Variants in DSP observed in about 807,000 individuals in gnomAD.
DSP encodes desmoplakin.
A neutral mutation model predicts 290.6 loss-of-function variants in DSP; 114 were observed. The observed-to-expected ratio is 0.39, with a 90% CI of 0.34 to 0.46. The LOEUF (loss-of-function observed/expected upper bound fraction) is 0.46. Among genes scored for constraint, DSP ranks in the 20% least tolerant of loss-of-function variants. The probability of loss-of-function intolerance (pLI) is 0.99; values close to 1 mark genes in which losing one functional copy is unlikely to be tolerated. For synonymous variants in DSP, 1,311 were observed against 1,316.4 expected (o/e 1.00, Z 0.09); for missense variants, 3,230 against 3,495.8 (o/e 0.92, Z 1.92).
Position 7,563,798 on chromosome 6 carries a change from T to G in DSP, c.777+12T>G, listed in dbSNP as rs764388232. 28 of 1,612,140 alleles carry G rather than the reference T, an allele frequency of 1.7e-5. No individual in the cohort carries two copies. The East Asian group carries it at 5.8e-4, about 33-fold the overall frequency. Reference sequence around the variant, plus strand: ...ATGAAAACCTGCTGGTAAGCTGATTTATTTCTCAAGTGCATCGACTTTCTG... The same window carrying G: ...ATGAAAACCTGCTGGTAAGCTGATTGATTTCTCAAGTGCATCGACTTTCTG... On this transcript the variant is annotated intron_variant, in intron 6 of 23. Coordinates refer to ENST00000379802, the MANE Select transcript of DSP (RefSeq NM_004415.4).
chr6:7,554,822 A>G (rs112602719), intron 1 of DSP, among the ~76,000 whole-genome samples: 3 of 151,860 alleles, frequency 2.0e-5, no homozygotes, highest in Admixed American at 6.6e-5. Flanking sequence ...TTTAAAAACA[A>G]TCTTTTTTTT....
chr6:7,585,221 T>C lies in DSP; in HGVS notation c.7959T>C (p.Ala2653=), dbSNP rs1417368614. The change falls in exon 24 of 24, where the codon GCT becomes GCC. Residue 2653 remains alanine, a synonymous_variant. Coordinates refer to ENST00000379802, the MANE Select transcript of DSP (RefSeq NM_004415.4). ...DSITGQRLLE[A]QACTGGIIHP... The stretch of plus-strand genomic sequence containing the variant: ...TCACGGGTCAGAGGCTTCTGGAGGC[T>C]CAGGCCTGCACAGGTGGCATCATCC... 6.2e-7 allele frequency: 1 copy of C among 1,613,992 alleles called. No homozygotes were observed. Among genetic ancestry groups the C allele is most frequent in the Non-Finnish European group, 8.5e-7 (1 of 1,180,038 alleles).
chr6:7,566,982 G>A (rs1380042152), intron 8 of DSP, among the ~76,000 whole-genome samples: 1 of 152,100 alleles, frequency 6.6e-6, no homozygotes, highest in East Asian at 1.9e-4. Flanking sequence ...CCCTTTGCTT[G>A]GATGCCTCGA....
chr6:7,573,902 G>T (rs1191672416), intron 15 of DSP, among the ~76,000 whole-genome samples, 184 bp from the exon 16 acceptor site: 2 of 152,048 alleles, frequency 1.3e-5, no homozygotes, highest in African/African-American at 4.8e-5. Flanking sequence ...GTAGATTTTA[G>T]GTGCTCTTAC....
intron 3 of DSP, 55 bp downstream of exon 3, chr6:7,558,319 A>G: frequency 6.3e-7 from 1 of 1,579,636 alleles, no homozygotes; most frequent in South Asian, 1.1e-5. Context: ...ACACCACATA[A>G]CCAGTTACAC....
At position 7,581,084 on chromosome 6, in the gene DSP, G is replaced by A. The variant is rs747279731; in HGVS notation, c.4894G>A (p.Asp1632Asn). Residue 1632 changes from aspartate (D) to asparagine (N), a missense_variant, in exon 23 of 24, where the codon GAC (aspartate) becomes AAC (asparagine). Asp to Asn is a conservative substitution (Grantham distance 23). Around this residue, in one of 5 missense-constraint regions of DSP, gnomAD observed 1,714 missense variants for 1,844.5 expected, o/e 0.93. Transcript: ENST00000379802. ...CATTGTTAAGAAGAGGAGTGAGGAT[G>A]ACCTCCGGCAGCAGAGGGACGTGCT... ...ASIVKKRSEDDLRQQRDVLDG... is the reference protein window; with the variant it reads ...ASIVKKRSEDNLRQQRDVLDG... 35 of 1,614,058 alleles carry A rather than the reference G, an allele frequency of 2.2e-5. No individual in the cohort carries two copies. Among genetic ancestry groups the A allele is most frequent in the Non-Finnish European group, 3.0e-5 (35 of 1,180,022 alleles).
intron 1 of DSP, among the ~76,000 whole-genome samples, chr6:7,544,715 C>T (rs1362320853): frequency 6.6e-6 from 1 of 152,150 alleles, no homozygotes; most frequent in Non-Finnish European, 1.5e-5. Flanking sequence ...CTCTCTCTCT[C>T]TGTCCTTTCC....
At position 7,575,454 on chromosome 6, in the gene DSP, C is replaced by T. The variant is rs142429411; in HGVS notation, c.2596C>T (p.Arg866Cys). ...FGEKVTQLTDRWQRIDKQIDF... is the reference protein window; with the variant it reads ...FGEKVTQLTDCWQRIDKQIDF... Reference sequence around the variant, plus strand: ...TGAAAAAGTCACACAGCTGACAGACCGCTGGCAAAGGATAGATAAACAGAT... The same window carrying T: ...TGAAAAAGTCACACAGCTGACAGACTGCTGGCAAAGGATAGATAAACAGAT... Residue 866 changes from arginine to cysteine, a missense_variant, in exon 18 of 24, where the codon CGC becomes TGC. By Grantham distance (180) the Arg-to-Cys change is radical. Coordinates refer to ENST00000379802, the MANE Select transcript of DSP (RefSeq NM_004415.4). The T allele has an allele frequency of 3.4e-4, 545 of 1,614,106 alleles. No individual in the cohort carries two copies. In the African/African-American group the frequency reaches 6.5e-3, roughly 19 times the overall value.
Position 7,583,817 on chromosome 6 carries a change from G to C in DSP, c.6555G>C (p.Gln2185His). The stretch of plus-strand genomic sequence containing the variant: ...CCAAAAAGAAGGTCAGTTACGTGCA[G>C]CTGAAGGAACGGTGCAGAATCGAAC... ...PVTKKKVSYV[Q>H]LKERCRIEPH... The change falls in exon 24 of 24, where the codon CAG (glutamine) becomes CAC (histidine). Residue 2185 changes from glutamine to histidine, a missense_variant. Gln to His is a conservative substitution (Grantham distance 24, BLOSUM62 0). Around this residue, in one of 5 missense-constraint regions of DSP, gnomAD observed 1,714 missense variants for 1,844.5 expected, o/e 0.93. Transcript: ENST00000379802. This position sits in a 1 kb window ranked among gnomAD's most constrained non-coding sequence, Gnocchi z 4.0. 1.2e-6 allele frequency: 2 copies of C among 1,614,152 alleles called. No individual in the cohort carries two copies. The highest frequency in any genetic ancestry group is 2.2e-5 in the South Asian group (2 of 91,074).
In DSP at chr6:7,579,155, A is replaced by G; in HGVS notation, c.3085-120A>G. The G allele has an allele frequency of 7.3e-7, 1 of 1,374,720 alleles. No individual in the cohort carries two copies. The highest frequency in any genetic ancestry group is 1.0e-6 in the Non-Finnish European group (1 of 998,984). The allele number at this position is 1,374,720 out of a possible 1,614,324, so 85.2% of individuals were successfully genotyped here. On this transcript the variant is annotated intron_variant, in intron 22 of 23. Transcript: ENST00000379802. The surrounding 1 kb of genome is among the most constrained non-coding windows in gnomAD (Gnocchi z 4.1). ...ATTTGCCTAGTCACTCTTTGCATGT[A>G]TGTCCATGTGTGTAAAGAGAAATAA...
chr6:7,552,434 A>G lies in DSP; in HGVS notation c.171-3284A>G, dbSNP rs181869605. 3.9e-3 allele frequency among the ~76,000 whole-genome samples: 596 copies of G among 151,660 alleles called. 6 individuals are homozygous for G. The highest frequency in any genetic ancestry group is 7.4e-3 in the Non-Finnish European group (502 of 67,908). On this transcript the variant is annotated intron_variant, in intron 1 of 23. Coordinates refer to ENST00000379802, the MANE Select transcript of DSP (RefSeq NM_004415.4). ...AAAAAATAGCTGGGCGTGGTGGTGC[A>G]TGCCTGTAGTCCCAGCTACTCCAGA...
intron 10 of DSP, 91 bp from the exon 11 acceptor site, chr6:7,568,346 G>C: frequency 7.2e-7 from 1 of 1,396,668 alleles, no homozygotes; most frequent in Non-Finnish European, 1.0e-6. Flanking sequence ...GATACTCAGT[G>C]TGTCATGTAG....
chr6:7,551,750 C>A (rs1356986274), intron 1 of DSP, among the ~76,000 whole-genome samples: 1 of 152,178 alleles, frequency 6.6e-6, no homozygotes, highest in Non-Finnish European at 1.5e-5. Context: ...GGGTCGAAAT[C>A]ATTTCCGCTG....
At chr6:7,572,161 C>A in intron 15 of DSP, 93 bp downstream of exon 15, 1 of 1,140,384 alleles carries the variant, frequency 8.8e-7, no homozygotes, top group Non-Finnish European at 1.3e-6. Context: ...TGTTTGTAGG[C>A]AAAAATATTA....
In DSP at chr6:7,583,759, G is replaced by C; in HGVS notation, c.6497G>C (p.Arg2166Pro). The change falls in exon 24 of 24, where the codon CGA (arginine) becomes CCA (proline). Residue 2166 changes from arginine (R) to proline (P), a missense_variant. Coordinates refer to ENST00000379802, the MANE Select transcript of DSP (RefSeq NM_004415.4). The surrounding 1 kb of genome is among the most constrained non-coding windows in gnomAD (Gnocchi z 4.0). Reference sequence around the variant, plus strand: ...TTGTATCGATCCCTGAATGATCCCCGAGATAGTCAGAAAAACTTTGTGGAT... The same window carrying C: ...TTGTATCGATCCCTGAATGATCCCCCAGATAGTCAGAAAAACTTTGTGGAT... ...RDLYRSLNDP[R>P]DSQKNFVDPV... 6.2e-7 allele frequency: 1 copy of C among 1,614,064 alleles called. No individual in the cohort carries two copies. The highest frequency in any genetic ancestry group is 8.5e-7 in the Non-Finnish European group (1 of 1,180,030).
intron 2 of DSP, among the ~76,000 whole-genome samples, chr6:7,556,268 G>T (rs546503335): frequency 1.3e-5 from 2 of 152,120 alleles, no homozygotes; most frequent in South Asian, 4.2e-4. Flanking sequence ...AGAAAAATGG[G>T]GAAAAATAGG....
At chr6:7,567,537 T>C in intron 9 of DSP, 88 bp downstream of exon 9, 1 of 1,300,766 alleles carries the variant, frequency 7.7e-7, no homozygotes, top group Non-Finnish European at 1.1e-6. Flanking sequence ...GAAAATAATC[T>C]TCAAAATGTT....
chr6:7,571,111 G>A (rs902276034), intron 13 of DSP, among the ~76,000 whole-genome samples: 6 of 151,328 alleles, frequency 4.0e-5, no homozygotes, highest in Non-Finnish European at 7.4e-5. Flanking sequence ...GAGCAGCTTT[G>A]CTGGGCTCTG....
intron 16 of DSP, 95 bp from the exon 17 acceptor site, chr6:7,574,562 G>T: frequency 6.4e-7 from 1 of 1,552,066 alleles, no homozygotes; most frequent in South Asian, 1.1e-5. Context: ...TATCTGCTTT[G>T]ACGTTGTTCC....
Sources: allele counts gnomAD v4.1 joint callset (sites outside exome capture counted in the v4.1 genomes callset), GRCh38; gene constraint gnomAD v4.1.1; regional missense constraint gnomAD v4.1.1; non-coding constraint Gnocchi (gnomAD v3.1); transcripts MANE v1.5; gene names NCBI Gene and HGNC (gene_info 2026-07-23, HGNC 2026-07-21).